Variants in PRKG1 observed in about 807,000 individuals in gnomAD.
PRKG1 encodes cGMP-dependent protein kinase 1.
In PRKG1, 35 loss-of-function variants were observed where a neutral mutation model predicts 88.1. That is an observed-to-expected ratio of 0.40 (90% CI 0.30 to 0.53). The LOEUF (loss-of-function observed/expected upper bound fraction) is 0.53, where lower values mean the gene tolerates loss of function less well. PRKG1 is among the 20% of genes least tolerant of loss of function. The pLI, the probability that PRKG1 is intolerant of heterozygous loss-of-function variation, is 0.59. For missense variants in PRKG1, 540 were observed against 839.8 expected (o/e 0.64, Z 4.41); for synonymous variants, 303 against 292.5 (o/e 1.04, Z -0.37).
chr10:51,306,063 A>G (rs915409669), intron 2 of PRKG1, among the ~76,000 whole-genome samples: 8 of 152,220 alleles, frequency 5.3e-5, no homozygotes, highest in Non-Finnish European at 7.3e-5. Context: ...TAGACATTAT[A>G]TGACCATTAT....
intron 2 of PRKG1, among the ~76,000 whole-genome samples, chr10:51,325,370 T>C (rs211079): frequency 0.54 from 82,014 of 151,828 alleles, 22,204 homozygotes; most frequent in Middle Eastern, 0.58. Flanking sequence ...AAGCAATCTT[T>C]GTATTTTTAG....
chr10:51,081,348 A>C (rs1248075628), intron 1 of PRKG1, among the ~76,000 whole-genome samples: 1 of 152,236 alleles, frequency 6.6e-6, no homozygotes, highest in Non-Finnish European at 1.5e-5. Flanking sequence ...GTGTGCAAGT[A>C]AATAGGTGAC....
chr10:51,230,320 G>A (rs368450865), intron 2 of PRKG1, among the ~76,000 whole-genome samples: 15 of 152,144 alleles, frequency 9.9e-5, no homozygotes, highest in African/African-American at 3.6e-4. Flanking sequence ...CAAAGCATTG[G>A]CACTAATGGG....
chr10:52,105,862 T>C (rs1847407725), intron 7 of PRKG1, among the ~76,000 whole-genome samples: 1 of 152,122 alleles, frequency 6.6e-6, no homozygotes, highest in African/African-American at 2.4e-5. Flanking sequence ...CAGGTGGTTT[T>C]TGGTTACATG....
chr10:51,124,937 A>G (rs1157695205), intron 1 of PRKG1, among the ~76,000 whole-genome samples: 1 of 152,186 alleles, frequency 6.6e-6, no homozygotes, highest in Non-Finnish European at 1.5e-5. Context: ...ATGACCTGCA[A>G]TGTTCTAAGT....
In PRKG1 at chr10:51,950,215, C is replaced by G. The variant is rs572213641; in HGVS notation, c.762+42645C>G. Among the ~76,000 whole-genome samples, 5 of 152,244 alleles carry G rather than the reference C, an allele frequency of 3.3e-5. No individual in the cohort carries two copies. The East Asian group carries it at 9.7e-4, about 29-fold the overall frequency. On this transcript the variant is annotated intron_variant, in intron 5 of 17. Coordinates refer to ENST00000373980, the MANE Select transcript of PRKG1 (RefSeq NM_006258.4). ...ACTCTTGAAATACACTCATATGCTC[C>G]AAATATACATCTATCTTTTCTCTTT...
At chr10:52,129,173 C>T (rs1287667968) in intron 7 of PRKG1, among the ~76,000 whole-genome samples, 2 of 152,168 alleles carry the variant, frequency 1.3e-5, no homozygotes, top group Admixed American at 1.3e-4. Flanking sequence ...ACGTGAAATG[C>T]CCGCTAACTT....
chr10:51,641,751 C>T lies in PRKG1; in HGVS notation c.593-162834C>T, dbSNP rs1017525048. ...TCCCACCATCTTTTGTACTCATCGC[C>T]GTTCTTTTTAAAAATGTAGACAAAT... On this transcript the variant is annotated intron_variant, in intron 3 of 17. Coordinates refer to ENST00000373980, the MANE Select transcript of PRKG1 (RefSeq NM_006258.4). Among the ~76,000 whole-genome samples, 6 of 152,110 alleles carry T rather than the reference C, an allele frequency of 3.9e-5. No individual in the cohort carries two copies. In the East Asian group the frequency reaches 7.7e-4, roughly 20 times the overall value.
intron 3 of PRKG1, among the ~76,000 whole-genome samples, chr10:51,716,267 T>C (rs1447869757): frequency 1.3e-5 from 2 of 152,214 alleles, no homozygotes; most frequent in Non-Finnish European, 2.9e-5. Context: ...AACCTGGCTC[T>C]TTTAGTTTAC....
intron 7 of PRKG1, among the ~76,000 whole-genome samples, chr10:52,082,800 A>C (rs186954584): frequency 4.3e-4 from 65 of 152,256 alleles, no homozygotes; most frequent in African/African-American, 1.4e-3. Context: ...GTAGTTTCTG[A>C]CATAGAGTAG....
chr10:51,631,071 A>G (rs1240099121), intron 3 of PRKG1, among the ~76,000 whole-genome samples: 1 of 152,216 alleles, frequency 6.6e-6, no homozygotes, highest in Non-Finnish European at 1.5e-5. Context: ...ACCACATATT[A>G]TACAAAAAGG....
At chr10:52,275,055 G>T (rs986076412) in intron 12 of PRKG1, among the ~76,000 whole-genome samples, 2 of 151,916 alleles carry the variant, frequency 1.3e-5, no homozygotes, top group Non-Finnish European at 2.9e-5. Context: ...TGATTTGTTC[G>T]AGTTTGCTGG....
chr10:51,394,549 T>A (rs1163864388), intron 2 of PRKG1, among the ~76,000 whole-genome samples: 5 of 152,112 alleles, frequency 3.3e-5, no homozygotes, highest in Non-Finnish European at 7.4e-5. Flanking sequence ...AAACTCCAAC[T>A]CCCAATGGAG....
chr10:51,691,661 A>G (rs1041484906), intron 3 of PRKG1, among the ~76,000 whole-genome samples: 7 of 152,190 alleles, frequency 4.6e-5, no homozygotes, highest in African/African-American at 1.7e-4. Context: ...AGACACTAAT[A>G]TTGATCCAAT....
chr10:51,617,335 T>A (rs182001165), intron 3 of PRKG1, among the ~76,000 whole-genome samples: 42 of 152,162 alleles, frequency 2.8e-4, no homozygotes, highest in African/African-American at 9.2e-4. Flanking sequence ...TTTTGGATGA[T>A]CTATTTGAAG....
intron 2 of PRKG1, among the ~76,000 whole-genome samples, chr10:51,263,040 C>T (rs1839753391): frequency 6.6e-6 from 1 of 152,132 alleles, no homozygotes; most frequent in Non-Finnish European, 1.5e-5. Context: ...AAGTCTTTAT[C>T]TTATATTCCA....
chr10:51,314,701 A>T (rs1841276351), intron 2 of PRKG1, among the ~76,000 whole-genome samples: 1 of 152,246 alleles, frequency 6.6e-6, no homozygotes, highest in African/African-American at 2.4e-5. Flanking sequence ...ACATTCATCC[A>T]AGAAAAACAA....
At chr10:52,012,601 G>T (rs974586919) in intron 5 of PRKG1, among the ~76,000 whole-genome samples, 1 of 151,972 alleles carries the variant, frequency 6.6e-6, no homozygotes, top group African/African-American at 2.4e-5. Context: ...TGGCCAGGCT[G>T]GTCTCAAACT....
rs529028140 is a variant in PRKG1 at position 51,417,992 on chromosome 10, G to C, written c.479-49731G>C. On this transcript the variant is annotated intron_variant, in intron 2 of 17. Transcript: ENST00000373980. ...TTACGTTAACCTCCCCGCTCCAAAA[G>C]AAAGCAGTTGTGTTTGCCTTTCTGT... Among the ~76,000 whole-genome samples the C allele has an allele frequency of 1.8e-3, 276 of 152,290 alleles. 1 individual carries two copies. The highest frequency in any genetic ancestry group is 3.2e-3 in the Non-Finnish European group (216 of 68,024).
Sources: gnomAD v4.1 joint callset for allele counts (sites outside exome capture counted in the v4.1 genomes callset) on GRCh38, gnomAD v4.1.1 for gene constraint, MANE v1.5 for transcripts, NCBI Gene and HGNC (gene_info 2026-07-23, HGNC 2026-07-21) for gene names.